FBXO11: variants seen among roughly 807,000 people sequenced by gnomAD.
The protein encoded by FBXO11 is F-box protein 11, also known as F-box only protein 11.
A neutral mutation model predicts 117.0 loss-of-function variants in FBXO11; 13 were observed. The ratio of observed to expected loss-of-function variants is 0.11; its 90% CI spans 0.07 to 0.18. The LOEUF (loss-of-function observed/expected upper bound fraction) is 0.18, where lower values mean the gene tolerates loss of function less well. FBXO11 is among the 10% of genes least tolerant of loss of function. FBXO11 has a pLI of 1.00. For synonymous variants in FBXO11, 490 were observed against 380.5 expected (o/e 1.29, Z -3.35); for missense variants, 767 against 1,164.4 (o/e 0.66, Z 4.97).
chr2:47,851,080 T>C (rs573827926), intron 1 of FBXO11, among the ~76,000 whole-genome samples: 10 of 152,234 alleles, frequency 6.6e-5, no homozygotes, highest in Non-Finnish European at 1.2e-4. Context: ...GTAGTGTTTA[T>C]GTCCAAGGAG....
At chr2:47,893,781 C>G (rs918530765) in intron 1 of FBXO11, among the ~76,000 whole-genome samples, 3 of 152,250 alleles carry the variant, frequency 2.0e-5, no homozygotes, top group Middle Eastern at 3.4e-3. Context: ...AGAAACCACT[C>G]TGGAAAAAGG....
intron 1 of FBXO11, among the ~76,000 whole-genome samples, chr2:47,850,824 C>T (rs1408645512): frequency 6.6e-6 from 1 of 152,118 alleles, no homozygotes; most frequent in Non-Finnish European, 1.5e-5. Context: ...TCTCTCATTG[C>T]TTTTGGGAAA....
At chr2:47,905,421 C>CGCCA (rs1234841129) in intron 1 of FBXO11, 68 bp downstream of exon 1, 1 of 1,172,510 alleles carries the variant, frequency 8.5e-7, no homozygotes, top group African/African-American at 1.6e-5. Flanking sequence ...CCCGCCCGCC[C>CGCCA]GCCCGCCCCG....
intron 1 of FBXO11, among the ~76,000 whole-genome samples, chr2:47,854,648 TTATGTG>T (rs909796427): frequency 1.4e-4 from 22 of 152,038 alleles, no homozygotes; most frequent in Non-Finnish European, 2.9e-4. Flanking sequence ...TTAATTAGAA[TTATGTG>T]GAAGTTTGGT....
rs753041454 is a variant in FBXO11, at chr2:47,823,101, G to A, written c.1616+42C>T. Reference sequence around the variant, plus strand: ...ATATCTTGACTTTTAAGCAAACCTTGAAGTGAAAAAGTAATTTTCACCCAT... The same window carrying A: ...ATATCTTGACTTTTAAGCAAACCTTAAAGTGAAAAAGTAATTTTCACCCAT... On this transcript the variant is annotated intron_variant, in intron 12 of 22. Coordinates refer to ENST00000403359, the MANE Select transcript of FBXO11 (RefSeq NM_001190274.2). 15 of 1,433,400 alleles carry A rather than the reference G, an allele frequency of 1.0e-5. No individual in the cohort carries two copies. In the African/African-American group the frequency reaches 1.3e-4, roughly 12 times the overall value. The allele number at this position is 1,433,400 out of a possible 1,614,324, so 88.8% of individuals were successfully genotyped here.
chr2:47,868,154 G>A (rs541940834), intron 1 of FBXO11, among the ~76,000 whole-genome samples: 1 of 152,142 alleles, frequency 6.6e-6, no homozygotes, highest in Admixed American at 6.5e-5. Context: ...AATGTATAAA[G>A]CAGCTGGGAT....
chr2:47,856,290 C>G (rs1334979131), intron 1 of FBXO11, among the ~76,000 whole-genome samples: 8 of 152,086 alleles, frequency 5.3e-5, no homozygotes, highest in African/African-American at 1.9e-4. Flanking sequence ...AGTTAATCTT[C>G]TCCACAATCT....
chr2:47,873,122 C>G (rs1025847859), intron 1 of FBXO11, among the ~76,000 whole-genome samples: 2 of 152,130 alleles, frequency 1.3e-5, no homozygotes, highest in Non-Finnish European at 2.9e-5. Context: ...CAGGTTTTCC[C>G]AGAAAGTACT....
chr2:47,870,026 T>C (rs906828799), intron 1 of FBXO11, among the ~76,000 whole-genome samples: 1 of 152,242 alleles, frequency 6.6e-6, no homozygotes, highest in Middle Eastern at 3.4e-3. Flanking sequence ...CTGCCTCCCA[T>C]GTGGGTGGGC....
chr2:47,900,557 C>CGTATATATACACACGTATATACGTGT (rs1553361987), intron 1 of FBXO11, among the ~76,000 whole-genome samples: 2,635 of 120,584 alleles, frequency 0.022, 245 homozygotes, highest in African/African-American at 0.029. Context: ...AGTATATACA[C>CGTATATATACACACGTATATACGTGT]GTATATATAC....
At chr2:47,887,620 T>A (rs1245480863) in intron 1 of FBXO11, among the ~76,000 whole-genome samples, 2 of 151,824 alleles carry the variant, frequency 1.3e-5, no homozygotes, top group Non-Finnish European at 2.9e-5. Context: ...CAGTACTTTG[T>A]GAGGCTGAGG....
intron 14 of FBXO11, among the ~76,000 whole-genome samples, chr2:47,819,918 G>A (rs925548944): frequency 2.0e-5 from 3 of 152,042 alleles, no homozygotes; most frequent in South Asian, 2.1e-4. Flanking sequence ...GAGTGAAGAC[G>A]ATTAATACAC....
chr2:47,817,412 C>T (rs1671080984), intron 16 of FBXO11, among the ~76,000 whole-genome samples: 1 of 152,166 alleles, frequency 6.6e-6, no homozygotes, highest in Non-Finnish European at 1.5e-5. Flanking sequence ...TTGCTTTGAA[C>T]CCTGAGAAAC....
Position 47,832,275 on chromosome 2 carries a change from A to G in FBXO11, c.1398+74T>C, listed in dbSNP as rs1672254107. On this transcript the variant is annotated intron_variant, in intron 11 of 22. Transcript: ENST00000403359. The stretch of plus-strand genomic sequence containing the variant: ...CAATTCAGATAATTTGGTGATGAGA[A>G]AATAATGCTGAAACATACTTGGAAT... 3 of 1,326,858 alleles carry G rather than the reference A, an allele frequency of 2.3e-6. No individual in the cohort carries two copies. The East Asian group carries it at 7.0e-5, about 31-fold the overall frequency. 82.2% of individuals were successfully genotyped at this position (1,326,858 alleles called of 1,614,324 possible). A position where few individuals can be genotyped will look rare whatever the true frequency, so the allele number is the denominator to read the frequency against.
At chr2:47,829,301 C>G (rs1055250547) in intron 11 of FBXO11, among the ~76,000 whole-genome samples, 2 of 152,052 alleles carry the variant, frequency 1.3e-5, no homozygotes, top group Non-Finnish European at 2.9e-5. Flanking sequence ...AGTGCAGTGG[C>G]GCGATCTCGG....
chr2:47,900,285 G>C (rs1318269672), intron 1 of FBXO11, among the ~76,000 whole-genome samples: 5 of 151,944 alleles, frequency 3.3e-5, no homozygotes, highest in Non-Finnish European at 7.4e-5. Flanking sequence ...CCTCTCATGG[G>C]ATACATTTGG....
intron 1 of FBXO11, among the ~76,000 whole-genome samples, chr2:47,862,255 G>C (rs1468342418): frequency 1.3e-5 from 2 of 152,076 alleles, no homozygotes; most frequent in Non-Finnish European, 2.9e-5. Flanking sequence ...ATTTAAATCA[G>C]ATTTAAGTTA....
chr2:47,810,049 T>C, intron 19 of FBXO11: 1 of 496,876 alleles, frequency 2.0e-6, no homozygotes, highest in Non-Finnish European at 3.5e-6. Context: ...GTATTCCTAG[T>C]GGTAATACAA....
intron 1 of FBXO11, among the ~76,000 whole-genome samples, chr2:47,859,998 A>G (rs955007902): frequency 6.6e-6 from 1 of 152,086 alleles, no homozygotes; most frequent in Non-Finnish European, 1.5e-5. Flanking sequence ...CTAGCTGTCC[A>G]TGGGCTAACT....
Sources: allele counts gnomAD v4.1 joint callset (sites outside exome capture counted in the v4.1 genomes callset), GRCh38; gene constraint gnomAD v4.1.1; transcripts MANE v1.5; gene names NCBI Gene and HGNC (gene_info 2026-07-23, HGNC 2026-07-21).